The following AXL variants were observed in gnomAD, a reference collection of about 807,000 sequenced individuals.
The protein encoded by AXL is tyrosine-protein kinase receptor UFO.
Under a neutral mutation model 104.5 loss-of-function variants are expected in AXL, and 52 were observed. That is an observed-to-expected ratio of 0.50 (90% confidence interval 0.40 to 0.63). The LOEUF is 0.63. Among genes scored for constraint, AXL ranks in the 20% least tolerant of loss-of-function variants. AXL has a pLI of 0.00. For synonymous variants in AXL, 455 were observed against 473.7 expected (o/e 0.96, Z 0.51); for missense variants, 1,024 against 1,188.5 (o/e 0.86, Z 2.04).
intron 4 of AXL, among the ~76,000 whole-genome samples, chr19:41,226,005 C>G (rs1197817408): frequency 1.3e-5 from 2 of 152,210 alleles, no homozygotes; most frequent in African/African-American, 2.4e-5. Context: ...CTGGAAAGCA[C>G]ATCTGGAATC....
chr19:41,256,747 G>A (rs2034458850), intron 18 of AXL, 136 bp downstream of exon 18: 2 of 1,213,498 alleles, frequency 1.6e-6, no homozygotes, highest in African/African-American at 1.5e-5. Context: ...GTCCACATGG[G>A]CTGGGCATGT....
In AXL at chr19:41,252,399, T is replaced by C; in HGVS notation, c.1760T>C (p.Val587Ala). ...SELEDFLSEA[V>A]CMKEFDHPNV... The stretch of plus-strand genomic sequence containing the variant: ...CTGGAGGATTTCCTGAGTGAAGCGG[T>C]CTGCATGAAGGAATTTGACCATCCC... Residue 587 changes from valine to alanine, a missense_variant, in exon 15 of 20, where the codon GTC becomes GCC. Val to Ala is a moderately conservative substitution (Grantham distance 64, BLOSUM62 0). Around this residue, in one of 5 missense-constraint regions of AXL, gnomAD observed 523 missense variants for 636.0 expected, o/e 0.82. Coordinates refer to ENST00000301178, the MANE Select transcript of AXL (RefSeq NM_021913.5). The C allele has an allele frequency of 6.2e-7, 1 of 1,613,894 alleles. No homozygotes were observed. Among genetic ancestry groups the C allele is most frequent in the Non-Finnish European group, 8.5e-7 (1 of 1,179,950 alleles).
At chr19:41,228,378 C>G (rs1199576982) in intron 4 of AXL, among the ~76,000 whole-genome samples, 1 of 151,968 alleles carries the variant, frequency 6.6e-6, no homozygotes, top group African/African-American at 2.4e-5. Flanking sequence ...CATGGTGAAA[C>G]CCTATCTCTA....
Position 41,261,512 on chromosome 19 carries a change from T to C in AXL, c.*1608T>C, listed in dbSNP as rs1335400077. Reference sequence around the variant, plus strand: ...AGGTGCAATTTCAAGGTTCTAACCCTATACTGTAGTATTCTTTGGGGTGCC... The same window carrying C: ...AGGTGCAATTTCAAGGTTCTAACCCCATACTGTAGTATTCTTTGGGGTGCC... On this transcript the variant is annotated 3_prime_UTR_variant, in exon 20 of 20. Coordinates refer to ENST00000301178, the MANE Select transcript of AXL (RefSeq NM_021913.5). 6.6e-6 allele frequency: 1 copy of C among 152,470 alleles called. No individual in the cohort carries two copies. Among genetic ancestry groups the C allele is most frequent in the Non-Finnish European group, 1.5e-5 (1 of 68,066 alleles). 9.4% of individuals were successfully genotyped at this position (152,470 alleles called of 1,614,324 possible). A position where few individuals can be genotyped will look rare whatever the true frequency, so the allele number is the denominator to read the frequency against.
Position 41,248,506 on chromosome 19 carries a change from G to C in AXL, c.1538-8G>C, listed in dbSNP as rs776750283. The stretch of plus-strand genomic sequence containing the variant: ...CCATGACTCTGTCCACCCCAACCTT[G>C]CATGCAGTGAACAGCCTGGGCATCA... On this transcript the variant is annotated splice_polypyrimidine_tract_variant and splice_region_variant and intron_variant, in intron 12 of 19. Transcript: ENST00000301178. 1.1e-5 allele frequency: 18 copies of C among 1,614,136 alleles called. No individual in the cohort carries two copies. Among genetic ancestry groups the C allele is most frequent in the Admixed American group, 1.7e-5 (1 of 60,020 alleles).
At chr19:41,247,876 C>T (rs1396445857) in intron 12 of AXL, among the ~76,000 whole-genome samples, 2 of 149,024 alleles carry the variant, frequency 1.3e-5, no homozygotes, top group East Asian at 2.0e-4. Flanking sequence ...TGAGCCACTG[C>T]ATCCAGCAAA....
chr19:41,239,740 A>T lies in AXL; in HGVS notation c.1312+20A>T. The T allele has an allele frequency of 6.2e-7, 1 of 1,613,768 alleles. No individual in the cohort carries two copies. Among genetic ancestry groups the T allele is most frequent in the Non-Finnish European group, 8.5e-7 (1 of 1,179,890 alleles). ...AGCTGGGTAAGGGCTTCCACACCCCATCTCCTCCTTCCCTACCCTCAACAC... is the reference window on the plus strand; with the variant it reads ...AGCTGGGTAAGGGCTTCCACACCCCTTCTCCTCCTTCCCTACCCTCAACAC... On this transcript the variant is annotated intron_variant, in intron 10 of 19. Transcript: ENST00000301178.
At chr19:41,230,628 G>A (rs2033967846) in intron 4 of AXL, among the ~76,000 whole-genome samples, 1 of 150,750 alleles carries the variant, frequency 6.6e-6, no homozygotes, top group African/African-American at 2.4e-5. Context: ...GTGTGTCTAT[G>A]TGTGTGTATG....
chr19:41,245,150 C>T (rs1415153968), intron 12 of AXL, among the ~76,000 whole-genome samples: 1 of 150,654 alleles, frequency 6.6e-6, no homozygotes, highest in African/African-American at 2.4e-5. Flanking sequence ...AGGCTGGTCT[C>T]GACCTCCTGA....
intron 17 of AXL, among the ~76,000 whole-genome samples, chr19:41,254,703 G>A (rs978450115): frequency 6.6e-6 from 1 of 151,658 alleles, no homozygotes; most frequent in Non-Finnish European, 1.5e-5. Context: ...AGGATCACTT[G>A]TACCCAGGAG....
intron 6 of AXL, among the ~76,000 whole-genome samples, chr19:41,236,910 C>T (rs953365722): frequency 3.3e-5 from 5 of 151,748 alleles, no homozygotes; most frequent in South Asian, 2.1e-4. Flanking sequence ...AACATAAGTT[C>T]GTAAACTTTC....
Position 41,257,517 on chromosome 19 carries a change from G to A in AXL, c.2221G>A (p.Glu741Lys). 6.2e-7 allele frequency: 1 copy of A among 1,614,124 alleles called. No individual in the cohort carries two copies. The highest frequency in any genetic ancestry group is 8.5e-7 in the Non-Finnish European group (1 of 1,180,024). Residue 741 changes from glutamate (E) to lysine (K), a missense_variant, in exon 19 of 20, where the codon GAG becomes AAG. By Grantham distance (56) the Glu-to-Lys change is moderately conservative (BLOSUM62 1). This residue lies in a region of AXL where 523 missense variants were observed against 636.0 expected (regional missense o/e 0.82). Transcript: ENST00000301178. ...GTGGTCCTTCGGGGTGACAATGTGG[G>A]AGATTGCCACAAGAGGCCAAACCCC... is the stretch of plus-strand genomic sequence containing the variant. ...DVWSFGVTMW[E>K]IATRGQTPYP...
At position 41,243,020 on chromosome 19, in the gene AXL, G is replaced by T; in HGVS notation, c.1445+5G>T. 6.2e-7 allele frequency: 1 copy of T among 1,614,184 alleles called. No homozygotes were observed. The highest frequency in any genetic ancestry group is 8.5e-7 in the Non-Finnish European group (1 of 1,180,022). ...AAAGAAGGAGACCCGTTATGGGTGA[G>T]TTGGAACCACATGGGGAGGCTGTGT... On this transcript the variant is annotated splice_donor_5th_base_variant and intron_variant, in intron 11 of 19. Transcript: ENST00000301178.
chr19:41,236,194 A>G (rs2034075237), intron 6 of AXL, among the ~76,000 whole-genome samples: 2 of 151,982 alleles, frequency 1.3e-5, no homozygotes, highest in African/African-American at 2.4e-5. Flanking sequence ...TTAGCCAGGC[A>G]TGGTGGCACA....
At position 41,255,315 on chromosome 19, in the gene AXL, T is replaced by G. The variant is rs1369524588; in HGVS notation, c.2037-1137T>G. On this transcript the variant is annotated intron_variant, in intron 17 of 19. Transcript: ENST00000301178. ...TTCTTTTTTTCTCTTTCTTTCTTTT[T>G]CTTTCTTTTCTTTCTTTTTCTCTCT... Among the ~76,000 whole-genome samples, 4 of 152,050 alleles carry G rather than the reference T, an allele frequency of 2.6e-5. No homozygotes were observed. In the East Asian group the frequency reaches 7.7e-4, roughly 29 times the overall value.
intron 4 of AXL, among the ~76,000 whole-genome samples, chr19:41,230,637 T>C (rs1335081757): frequency 6.7e-6 from 1 of 150,068 alleles, no homozygotes; most frequent in African/African-American, 2.5e-5. Flanking sequence ...TGTGTGTGTA[T>C]GAGTGTGTCT....
chr19:41,238,727 G>T, intron 8 of AXL, 118 bp downstream of exon 8: 1 of 1,373,830 alleles, frequency 7.3e-7, no homozygotes, highest in Non-Finnish European at 9.7e-7. Context: ...TATGCCTAGG[G>T]GGCACATTCA....
chr19:41,251,632 C>T (rs2034363286), intron 14 of AXL, among the ~76,000 whole-genome samples: 2 of 151,570 alleles, frequency 1.3e-5, no homozygotes, highest in Non-Finnish European at 2.9e-5. Flanking sequence ...GAAGGCAAGC[C>T]TAGGAGTTCG....
intron 6 of AXL, among the ~76,000 whole-genome samples, chr19:41,237,204 A>G (rs1252618823): frequency 6.6e-6 from 1 of 152,174 alleles, no homozygotes; most frequent in Non-Finnish European, 1.5e-5. Context: ...GTATAATGTC[A>G]TATAAATGGG....
Sources: allele counts gnomAD v4.1 joint callset (sites outside exome capture counted in the v4.1 genomes callset), GRCh38; gene constraint gnomAD v4.1.1; regional missense constraint gnomAD v4.1.1; transcripts MANE v1.5; gene names NCBI Gene and HGNC (gene_info 2026-07-23, HGNC 2026-07-21).